The following EMB variants were observed in gnomAD, a reference collection of about 807,000 sequenced individuals.
EMB encodes embigin, also known as embigin homolog.
Under a neutral mutation model 41.4 loss-of-function variants are expected in EMB, and 31 were observed. The ratio of observed to expected loss-of-function variants is 0.75; its 90% confidence interval spans 0.56 to 1.01. The LOEUF is 1.01. EMB is among the 50% of genes least tolerant of loss of function. The pLI is 0.00. For synonymous variants in EMB, 137 were observed against 140.4 expected (o/e 0.98, Z 0.17); for missense variants, 379 against 388.3 (o/e 0.98, Z 0.20).
At chr5:50,424,125 A>G (rs1243448620) in intron 2 of EMB, among the ~76,000 whole-genome samples, 1 of 152,140 alleles carries the variant, frequency 6.6e-6, no homozygotes, top group Admixed American at 6.5e-5. Context: ...AACCTAACAC[A>G]ATATCAGTTA....
At chr5:50,430,721 C>A (rs1745707724) in intron 1 of EMB, among the ~76,000 whole-genome samples, 1 of 151,962 alleles carries the variant, frequency 6.6e-6, no homozygotes, top group Non-Finnish European at 1.5e-5. Flanking sequence ...TGACTATAGC[C>A]AGTATATTTT....
At chr5:50,428,076 C>T (rs1745649773) in intron 2 of EMB, 68 bp downstream of exon 2, 1 of 1,140,830 alleles carries the variant, frequency 8.8e-7, no homozygotes, top group South Asian at 1.4e-5. Flanking sequence ...AAAGCAGTAG[C>T]TTTGTTTAAG....
intron 2 of EMB, among the ~76,000 whole-genome samples, chr5:50,425,249 G>C (rs1439954531): frequency 1.3e-5 from 2 of 151,934 alleles, no homozygotes; most frequent in African/African-American, 4.8e-5. Flanking sequence ...ATCTTACATT[G>C]TGCCTTAATT....
In EMB at chr5:50,396,192, T is replaced by C. The variant is rs549918310; in HGVS notation, c.*3081A>G. The C allele has an allele frequency of 6.3e-4, 96 of 152,288 alleles. No homozygotes were observed. The highest frequency in any genetic ancestry group is 2.3e-3 in the African/African-American group (95 of 41,582). The allele number at this position is 152,288 out of a possible 1,614,324, so 9.4% of individuals were successfully genotyped here. On this transcript the variant is annotated 3_prime_UTR_variant, in exon 9 of 9. Coordinates refer to ENST00000303221, the MANE Select transcript of EMB (RefSeq NM_198449.3). ...TTTTCAAAGTAAAAGAAGCAAATAC[T>C]GAAGTTATAAAAGCTTGTTTTTCTT...
chr5:50,400,297 T>C (rs1295642944), intron 7 of EMB, among the ~76,000 whole-genome samples: 1 of 151,988 alleles, frequency 6.6e-6, no homozygotes, highest in Non-Finnish European at 1.5e-5. Context: ...TACACTGAAA[T>C]AGAGGTTAAA....
rs528790478 is a variant in EMB, at chr5:50,406,897, G to T, written c.473-1045C>A. ...GAGATTGGAGCTTGGCTAAAATAGG[G>T]ATTCTTTGCTGAAGCCACAAGTTTC... On this transcript the variant is annotated intron_variant, in intron 4 of 8. Transcript: ENST00000303221. Among the ~76,000 whole-genome samples the T allele has an allele frequency of 9.8e-4, 149 of 152,008 alleles. 1 individual carries two copies. Among genetic ancestry groups the T allele is most frequent in the African/African-American group, 3.4e-3 (142 of 41,522 alleles).
intron 2 of EMB, among the ~76,000 whole-genome samples, chr5:50,423,205 T>C (rs1176395471): frequency 6.6e-6 from 1 of 151,954 alleles, no homozygotes; most frequent in Non-Finnish European, 1.5e-5. Context: ...CTAATAGCAC[T>C]AAAACTAAAG....
In EMB at chr5:50,428,217, A is replaced by G. The variant is rs145150342; in HGVS notation, c.123T>C (p.Phe41=). ...SADGSAPDSP[F]TSPPLREEIM... The stretch of plus-strand genomic sequence containing the variant: ...TTTCTTCTCTGAGAGGTGGACTTGT[A>G]AAAGGCGAATCTATAAGAGAAAGAA... Residue 41 remains phenylalanine, a synonymous_variant, in exon 2 of 9, where the codon TTT becomes TTC. Coordinates refer to ENST00000303221, the MANE Select transcript of EMB (RefSeq NM_198449.3). 6.2e-7 allele frequency: 1 copy of G among 1,610,218 alleles called. No homozygotes were observed. Among genetic ancestry groups the G allele is most frequent in the African/African-American group, 1.3e-5 (1 of 74,812 alleles).
chr5:50,399,775 CTA>C (rs2111759519), intron 8 of EMB, 82 bp downstream of exon 8: 1 of 1,116,398 alleles, frequency 9.0e-7, no homozygotes, highest in Non-Finnish European at 1.3e-6. Flanking sequence ...TTTTATGGAA[CTA>C]AAAAAAAGTA....
intron 2 of EMB, among the ~76,000 whole-genome samples, chr5:50,421,655 A>T (rs966456406): frequency 1.7e-4 from 26 of 152,024 alleles, no homozygotes; most frequent in African/African-American, 5.8e-4. Context: ...CAAATGTCCA[A>T]CAATGATAGA....
chr5:50,430,912 A>C (rs1416641175), intron 1 of EMB, among the ~76,000 whole-genome samples: 1 of 152,188 alleles, frequency 6.6e-6, no homozygotes, highest in Non-Finnish European at 1.5e-5. Flanking sequence ...AATGAGTCTA[A>C]GTTTGGCTTT....
intron 7 of EMB, among the ~76,000 whole-genome samples, chr5:50,400,121 G>C (rs1188182191): frequency 6.6e-6 from 1 of 151,974 alleles, no homozygotes; most frequent in African/African-American, 2.4e-5. Context: ...AGTGACAAAG[G>C]CTTGTTGATT....
rs1298042241 is a variant in EMB, at chr5:50,396,511, G to A, written c.*2762C>T. On this transcript the variant is annotated 3_prime_UTR_variant, in exon 9 of 9. Transcript: ENST00000303221. ...CTACCAGGTATGGGGGCTTCTCTAA[G>A]ACACAAGATCAGATTAAAGTCTTGA... 1 of 152,118 alleles carries A rather than the reference G, an allele frequency of 6.6e-6. No homozygotes were observed. The allele number at this position is 152,118 out of a possible 1,614,324, so 9.4% of individuals were successfully genotyped here.
At chr5:50,442,501 G>A (rs1324125180), upstream of EMB, among the ~76,000 whole-genome samples, 1 of 127,458 alleles carries the variant, frequency 7.8e-6, no homozygotes, top group Non-Finnish European at 1.6e-5. Context: ...ACAAATGCAC[G>A]CATGCACACA....
chr5:50,404,834 C>T (rs557339149), intron 5 of EMB, among the ~76,000 whole-genome samples: 22 of 151,994 alleles, frequency 1.4e-4, no homozygotes, highest in African/African-American at 4.8e-4. Context: ...AAAACTAAAC[C>T]TGTTAGCACA....
intron 1 of EMB, among the ~76,000 whole-genome samples, chr5:50,433,238 GT>G (rs796409786): frequency 6.1e-5 from 9 of 147,978 alleles, no homozygotes; most frequent in East Asian, 2.0e-4. Flanking sequence ...TACAGACAAG[GT>G]TTTTTTTTTA....
intron 7 of EMB, among the ~76,000 whole-genome samples, chr5:50,401,855 A>T (rs1227517136): frequency 6.6e-6 from 1 of 151,968 alleles, no homozygotes; most frequent in Non-Finnish European, 1.5e-5. Flanking sequence ...GCAAGGTCTG[A>T]GCAACTGTAT....
At chr5:50,415,521 G>T (rs548373278) in intron 2 of EMB, among the ~76,000 whole-genome samples, 4 of 151,928 alleles carry the variant, frequency 2.6e-5, no homozygotes, top group Non-Finnish European at 5.9e-5. Flanking sequence ...ATCTCACTGG[G>T]GAATATTATA....
At chr5:50,400,819 T>A (rs1745149635) in intron 7 of EMB, among the ~76,000 whole-genome samples, 1 of 152,016 alleles carries the variant, frequency 6.6e-6, no homozygotes, top group Admixed American at 6.6e-5. Flanking sequence ...ATATATTGAA[T>A]CCATTTTACA....
Sources: allele counts gnomAD v4.1 joint callset (sites outside exome capture counted in the v4.1 genomes callset), GRCh38; gene constraint gnomAD v4.1.1; transcripts MANE v1.5; gene names NCBI Gene and HGNC (gene_info 2026-07-23, HGNC 2026-07-21).